NEURL1: variants seen among roughly 807,000 people sequenced by gnomAD.
NEURL1 encodes neuralized E3 ubiquitin protein ligase 1.
Under a neutral mutation model 41.2 loss-of-function variants are expected in NEURL1, and 26 were observed. The ratio of observed to expected loss-of-function variants is 0.63; its 90% CI spans 0.46 to 0.87. The LOEUF is 0.87. Ranked by LOEUF, NEURL1 falls within the 40% of genes least tolerant of loss-of-function variation. The pLI is 0.00. For synonymous variants in NEURL1, 400 were observed against 402.3 expected (o/e 0.99, Z 0.07); for missense variants, 761 against 871.1 (o/e 0.87, Z 1.59).
chr10:103,507,177 G>A (rs2033966779), intron 1 of NEURL1, among the ~76,000 whole-genome samples: 1 of 152,184 alleles, frequency 6.6e-6, no homozygotes, highest in Non-Finnish European at 1.5e-5. Flanking sequence ...GACCTTGCAG[G>A]ATGATGCTCT....
chr10:103,525,993 A>G (rs554828437), intron 1 of NEURL1, among the ~76,000 whole-genome samples: 46 of 152,324 alleles, frequency 3.0e-4, no homozygotes, highest in African/African-American at 1.1e-3. Flanking sequence ...TTGTGCATCT[A>G]TTGAGAGGAG....
chr10:103,501,618 T>TTTATTTTTTTTATTATTA (rs1554888031), intron 1 of NEURL1, among the ~76,000 whole-genome samples: 1 of 142,596 alleles, frequency 7.0e-6, no homozygotes, highest in African/African-American at 2.6e-5. Flanking sequence ...TCCCACTTTA[T>TTTATTTTTTTTATTATTA]TTATTATTAT....
intron 3 of NEURL1, among the ~76,000 whole-genome samples, chr10:103,578,338 G>T (rs1002184103): frequency 2.6e-5 from 4 of 152,190 alleles, no homozygotes; most frequent in African/African-American, 9.7e-5. Flanking sequence ...TCTTCAACTA[G>T]AAGAGGGAGC....
chr10:103,574,930 G>A (rs2035627185), intron 3 of NEURL1, among the ~76,000 whole-genome samples: 1 of 152,044 alleles, frequency 6.6e-6, no homozygotes, highest in Non-Finnish European at 1.5e-5. Flanking sequence ...TTCAAACACT[G>A]ATTATGGCCC....
In NEURL1 at chr10:103,558,745, G is replaced by A. The variant is rs1001103876; in HGVS notation, c.86-12127G>A. ...GAAGGGTAGTGCGAAGAGGGAGGCA[G>A]CAGTGACACTGGGAGGTCCCCCTCC... On this transcript the variant is annotated intron_variant, in intron 1 of 5. Coordinates refer to ENST00000369780, the MANE Select transcript of NEURL1 (RefSeq NM_004210.5). This position sits in a 1 kb window ranked among gnomAD's most constrained non-coding sequence, Gnocchi z 4.2. Among the ~76,000 whole-genome samples the A allele has an allele frequency of 6.6e-6, 1 of 152,198 alleles. No homozygotes were observed. The highest frequency in any genetic ancestry group is 1.5e-5 in the Non-Finnish European group (1 of 68,024).
chr10:103,589,741 G>A (rs901820034), intron 5 of NEURL1, 81 bp downstream of exon 5: 13 of 1,520,910 alleles, frequency 8.5e-6, no homozygotes, highest in Non-Finnish European at 1.2e-5. Context: ...GGGGCTGGGA[G>A]TGGAGAGGAG....
At chr10:103,569,380 A>C (rs1450941389) in intron 1 of NEURL1, among the ~76,000 whole-genome samples, 1 of 152,202 alleles carries the variant, frequency 6.6e-6, no homozygotes, top group East Asian at 1.9e-4. Context: ...AGCCACCCAC[A>C]CAGCAGGGGT....
intron 1 of NEURL1, among the ~76,000 whole-genome samples, chr10:103,523,808 G>T (rs764161708): frequency 5.3e-5 from 8 of 152,058 alleles, no homozygotes; most frequent in Non-Finnish European, 1.0e-4. Flanking sequence ...GTATTCCATT[G>T]TGTATATATA....
chr10:103,499,407 CCCTT>C (rs1006217042), intron 1 of NEURL1, among the ~76,000 whole-genome samples: 27 of 150,584 alleles, frequency 1.8e-4, no homozygotes, highest in African/African-American at 5.1e-4. Flanking sequence ...CTCCTTCCCT[CCCTT>C]CCTTCCTTCC....
intron 1 of NEURL1, among the ~76,000 whole-genome samples, chr10:103,518,170 A>G (rs2034259996): frequency 1.3e-5 from 2 of 152,230 alleles, no homozygotes; most frequent in Non-Finnish European, 2.9e-5. Flanking sequence ...TGGGTTAAGT[A>G]AATGATGACG....
Position 103,494,468 on chromosome 10 carries a change from CAAAGGTAGG to C in NEURL1, c.82_85+5del. 1.2e-5 allele frequency: 19 copies of C among 1,574,388 alleles called. No individual in the cohort carries two copies. The highest frequency in any genetic ancestry group is 1.5e-5 in the Non-Finnish European group (17 of 1,160,498). On this transcript the variant is annotated splice_donor_variant and splice_donor_5th_base_variant and coding_sequence_variant and intron_variant, in exon 1 of 6. Coordinates refer to ENST00000369780, the MANE Select transcript of NEURL1 (RefSeq NM_004210.5). LOFTEE classifies it high-confidence loss of function. The stretch of plus-strand genomic sequence containing the variant: ...CGCCGCGGGGCCACCCCCAGAACCT[CAAAGGTAGG>C]CTCCCCGGCCGAGCGCTGCTGGAGG...
chr10:103,534,852 A>G (rs945684438), intron 1 of NEURL1, among the ~76,000 whole-genome samples: 1 of 151,976 alleles, frequency 6.6e-6, no homozygotes, highest in African/African-American at 2.4e-5. Flanking sequence ...GGTTGGATAT[A>G]TGTTGCCCAC....
Position 103,584,619 on chromosome 10 carries a change from G to A in NEURL1, c.733G>A (p.Asp245Asn). 1.4e-6 allele frequency: 2 copies of A among 1,417,566 alleles called. No individual in the cohort carries two copies. Among genetic ancestry groups the A allele is most frequent in the Non-Finnish European group, 1.8e-6 (2 of 1,092,104 alleles). The allele number at this position is 1,417,566 out of a possible 1,614,324, so 87.8% of individuals were successfully genotyped here. A position where few individuals can be genotyped will look rare whatever the true frequency, so the allele number is the denominator to read the frequency against. Residue 245 changes from aspartate to asparagine, a missense_variant, in exon 4 of 6, where the codon GAC becomes AAC. This residue lies in a region of NEURL1 where 114 missense variants were observed against 144.8 expected (regional missense o/e 0.79). Coordinates refer to ENST00000369780, the MANE Select transcript of NEURL1 (RefSeq NM_004210.5). ...RRPSLRREAD[D>N]ARLSVSLCDL... Reference sequence around the variant, plus strand: ...GCCGTCGCTGCGGCGCGAGGCGGACGACGCGCGCCTCTCGGTGAGCCTATG... The same window carrying A: ...GCCGTCGCTGCGGCGCGAGGCGGACAACGCGCGCCTCTCGGTGAGCCTATG...
At chr10:103,569,560 C>G (rs997028855) in intron 1 of NEURL1, among the ~76,000 whole-genome samples, 5 of 152,240 alleles carry the variant, frequency 3.3e-5, no homozygotes, top group African/African-American at 1.2e-4. Context: ...ACTCTCTGCC[C>G]TTTGCCCCAA....
rs1032516462 is a variant in NEURL1 at position 103,501,592 on chromosome 10, G to C, written c.85+7120G>C. Among the ~76,000 whole-genome samples, 14 of 138,654 alleles carry C rather than the reference G, an allele frequency of 1.0e-4. 1 individual carries two copies. Among genetic ancestry groups the C allele is most frequent in the Admixed American group, 8.8e-4 (12 of 13,646 alleles). The allele number at this position is 138,654 out of a possible 152,430, so 91.0% of individuals were successfully genotyped here. On this transcript the variant is annotated intron_variant, in intron 1 of 5. Coordinates refer to ENST00000369780, the MANE Select transcript of NEURL1 (RefSeq NM_004210.5). ...AAATTCATTTAATCTCCCCATAAAGGAGAGGTAGGTATTATTCCCACTTTA... is the reference window on the plus strand; with the variant it reads ...AAATTCATTTAATCTCCCCATAAAGCAGAGGTAGGTATTATTCCCACTTTA...
At chr10:103,529,334 C>T (rs984405121) in intron 1 of NEURL1, among the ~76,000 whole-genome samples, 2 of 152,108 alleles carry the variant, frequency 1.3e-5, no homozygotes, top group Non-Finnish European at 2.9e-5. Flanking sequence ...TTTGTGACTG[C>T]AAATACCTGT....
Position 103,545,862 on chromosome 10 carries a change from A to G in NEURL1, c.86-25010A>G, listed in dbSNP as rs1397826511. 6.6e-6 allele frequency among the ~76,000 whole-genome samples: 1 copy of G among 152,032 alleles called. No individual in the cohort carries two copies. On this transcript the variant is annotated intron_variant, in intron 1 of 5. Transcript: ENST00000369780. This position sits in a 1 kb window ranked among gnomAD's most constrained non-coding sequence, Gnocchi z 4.5. ...GTGTGGTGCTGAAGCTCTGACCCCT[A>G]GTGTGGGAGTGGCCCAGAGCCTGGC...
chr10:103,571,768 C>A lies in NEURL1; in HGVS notation c.595C>A (p.Pro199Thr). Residue 199 changes from proline to threonine, a missense_variant, in exon 3 of 6, where the codon CCG (proline) becomes ACG (threonine). Around this residue, in one of 5 missense-constraint regions of NEURL1, gnomAD observed 114 missense variants for 144.8 expected, o/e 0.79. Transcript: ENST00000369780. ...LFFSGVRTAD[P>T]LWALVDVYGL... ...CTTCAGCGGGGTCCGCACGGCCGAC[C>A]CGCTCTGGGCCCTGGTGGACGTCTA... 2 of 1,613,496 alleles carry A rather than the reference C, an allele frequency of 1.2e-6. No individual in the cohort carries two copies. Among genetic ancestry groups the A allele is most frequent in the Non-Finnish European group, 1.7e-6 (2 of 1,179,752 alleles).
In NEURL1 at chr10:103,502,823, C is replaced by T. The variant is rs556612421; in HGVS notation, c.85+8351C>T. Among the ~76,000 whole-genome samples, 6 of 152,340 alleles carry T rather than the reference C, an allele frequency of 3.9e-5. No homozygotes were observed. In the East Asian group the frequency reaches 1.2e-3, roughly 29 times the overall value. Reference sequence around the variant, plus strand: ...ACTGCCCAGGGTGTGCCAGGGCCGCCTGTTTCCTGTTAGTTTGTGCCTGTC... The same window carrying T: ...ACTGCCCAGGGTGTGCCAGGGCCGCTTGTTTCCTGTTAGTTTGTGCCTGTC... On this transcript the variant is annotated intron_variant, in intron 1 of 5. Coordinates refer to ENST00000369780, the MANE Select transcript of NEURL1 (RefSeq NM_004210.5).
Sources: gnomAD v4.1 joint callset for allele counts (sites outside exome capture counted in the v4.1 genomes callset) on GRCh38, gnomAD v4.1.1 for gene constraint, gnomAD v4.1.1 regional missense constraint, Gnocchi (gnomAD v3.1) non-coding constraint, MANE v1.5 for transcripts, NCBI Gene and HGNC (gene_info 2026-07-23, HGNC 2026-07-21) for gene names.